The following P2RY12 variants were observed in gnomAD, a reference collection of about 807,000 sequenced individuals.
The protein encoded by P2RY12 is purinergic receptor P2Y12.
P2RY12 carries 3 observed loss-of-function variants against 4.5 expected under a neutral mutation model. The observed-to-expected ratio is 0.67, with a 90% CI of 0.31 to 1.74. P2RY12 has a LOEUF of 1.74. P2RY12 is among the 40% of genes most tolerant of loss of function. The pLI is 0.09. For missense variants in P2RY12, 356 were observed against 407.8 expected, an observed-to-expected ratio of 0.87 and a Z score of 1.09; for synonymous variants, 148 against 154.1, an observed-to-expected ratio of 0.96 and a Z score of 0.29.
At position 151,365,101 on chromosome 3, in the gene P2RY12, A is replaced by G. The variant is rs760016755; in HGVS notation, c.-180+19591T>C. On this transcript the variant is annotated intron_variant, in intron 1 of 2. Transcript: ENST00000302632. ...GAGAATCCCTCAGCCCGCAGCATCA[A>G]CTACTCAATGCTGGGCAAGATCCTC... 27 of 1,613,990 alleles carry G rather than the reference A, an allele frequency of 1.7e-5. No homozygotes were observed. Among genetic ancestry groups the G allele is most frequent in the South Asian group, 2.2e-5 (2 of 91,090 alleles).
intron 1 of P2RY12, among the ~76,000 whole-genome samples, chr3:151,368,723 T>C (rs764629988): frequency 1.1e-5 from 1 of 88,530 alleles, no homozygotes; most frequent in Admixed American, 1.3e-4. Context: ...TCATTTCATT[T>C]CATTTCATTT....
intron 1 of P2RY12, among the ~76,000 whole-genome samples, chr3:151,368,661 TTTCATTTCATTTCATGTC>T: frequency 9.0e-5 from 6 of 66,578 alleles, no homozygotes; most frequent in African/African-American, 3.1e-4. Context: ...TTTCATTTCA[TTTCATTTCATTTCATGTC>T]ATTTCATTTT....
In P2RY12 at chr3:151,360,587, A is replaced by G; in HGVS notation, c.-179-19827T>C. The G allele has an allele frequency of 2.5e-6, 4 of 1,612,390 alleles. No individual in the cohort carries two copies. In the Admixed American group the frequency reaches 5.0e-5, roughly 20 times the overall value. ...GTGTCATGTAGCCACCTCAGAAGTA[A>G]ATTTGGAGACCTCTTCAGGTGAGTA... On this transcript the variant is annotated intron_variant, in intron 1 of 2. Coordinates refer to ENST00000302632, the MANE Select transcript of P2RY12 (RefSeq NM_022788.5).
chr3:151,382,642 T>C, intron 1 of P2RY12: 2 of 1,599,012 alleles, frequency 1.3e-6, no homozygotes, highest in Non-Finnish European at 1.7e-6. Flanking sequence ...GGGGAGTTTT[T>C]TTCCGGATCT....
At chr3:151,340,459 A>G (rs10935838) in intron 2 of P2RY12, 137 bp downstream of exon 2, 129,474 of 152,590 alleles carry the variant, frequency 0.85, 54,971 homozygotes, top group Middle Eastern at 0.95. Flanking sequence ...TATTTTAATT[A>G]TAATTTTTAT....
intron 1 of P2RY12, among the ~76,000 whole-genome samples, chr3:151,353,946 C>G (rs945442685): frequency 6.6e-6 from 1 of 151,724 alleles, no homozygotes; most frequent in East Asian, 1.9e-4. Context: ...TCGAGACCAT[C>G]CCGGCTAACA....
chr3:151,372,614 G>T, intron 1 of P2RY12: 3 of 1,613,830 alleles, frequency 1.9e-6, no homozygotes, highest in South Asian at 1.1e-5. Context: ...AAAGAATGAT[G>T]ACTTCACCAT....
chr3:151,348,818 G>A (rs1369718069), intron 1 of P2RY12, among the ~76,000 whole-genome samples: 2 of 152,188 alleles, frequency 1.3e-5, no homozygotes, highest in Non-Finnish European at 2.9e-5. Flanking sequence ...CGCTACAGAA[G>A]CAATATGCTA....
Position 151,337,678 on chromosome 3 carries a change from T to C in P2RY12, c.*139A>G. 1 of 813,478 alleles carries C rather than the reference T, an allele frequency of 1.2e-6. No homozygotes were observed. The highest frequency in any genetic ancestry group is 1.9e-6 in the Non-Finnish European group (1 of 523,302). 50.4% of individuals were successfully genotyped at this position (813,478 alleles called of 1,614,324 possible). A position where few individuals can be genotyped will look rare whatever the true frequency, so the allele number is the denominator to read the frequency against. ...TCATACTGGAAAGGTAAATGAAAATTGCTTTTGTAATCTTCTGTTTCTTTA... is the reference window on the plus strand; with the variant it reads ...TCATACTGGAAAGGTAAATGAAAATCGCTTTTGTAATCTTCTGTTTCTTTA... On this transcript the variant is annotated 3_prime_UTR_variant, in exon 3 of 3. Transcript: ENST00000302632.
At chr3:151,367,651 T>C (rs765892945) in intron 1 of P2RY12, 1 of 1,603,158 alleles carries the variant, frequency 6.2e-7, no homozygotes, top group East Asian at 2.3e-5. Context: ...TGAAGGTGAG[T>C]GACCTTTCAT....
chr3:151,348,192 A>T (rs1377238988), intron 1 of P2RY12, among the ~76,000 whole-genome samples: 1 of 152,156 alleles, frequency 6.6e-6, no homozygotes, highest in African/African-American at 2.4e-5. Context: ...ATCAGCCTTC[A>T]CATGGACATT....
At position 151,375,204 on chromosome 3, in the gene P2RY12, T is replaced by C. The variant is rs1056872860; in HGVS notation, c.-180+9488A>G. ...TGAGTTTGACTTAATTAGTCTGATG[T>C]GGGCCCTGGGCATGGAATTTTATAA... On this transcript the variant is annotated intron_variant, in intron 1 of 2. Coordinates refer to ENST00000302632, the MANE Select transcript of P2RY12 (RefSeq NM_022788.5). Among the ~76,000 whole-genome samples the C allele has an allele frequency of 4.6e-5, 7 of 152,206 alleles. No individual in the cohort carries two copies. In the East Asian group the frequency reaches 1.2e-3, roughly 25 times the overall value.
chr3:151,342,955 A>G (rs191403113), intron 1 of P2RY12, among the ~76,000 whole-genome samples: 11 of 152,276 alleles, frequency 7.2e-5, no homozygotes, highest in South Asian at 2.1e-4. Context: ...AGGGGAACTG[A>G]AGAGCAGAGC....
intron 1 of P2RY12, among the ~76,000 whole-genome samples, chr3:151,374,984 G>A (rs1756651956): frequency 6.6e-6 from 1 of 152,136 alleles, no homozygotes; most frequent in Non-Finnish European, 1.5e-5. Context: ...TGCTATAGGT[G>A]TCATACCGAC....
At chr3:151,369,375 A>G (rs1755901868) in intron 1 of P2RY12, 1 of 1,199,380 alleles carries the variant, frequency 8.3e-7, no homozygotes, top group African/African-American at 1.5e-5. Flanking sequence ...CTGCCTGTAA[A>G]TAATTACAAA....
At chr3:151,360,930 A>G (rs1295419563) in intron 1 of P2RY12, among the ~76,000 whole-genome samples, 1 of 152,120 alleles carries the variant, frequency 6.6e-6, no homozygotes, top group Non-Finnish European at 1.5e-5. Context: ...CAGACAGTGC[A>G]TTTTAAGTAA....
chr3:151,369,768 T>C (rs1755955094), intron 1 of P2RY12, among the ~76,000 whole-genome samples: 1 of 152,296 alleles, frequency 6.6e-6, no homozygotes, highest in South Asian at 2.1e-4. Context: ...ACATGTAATA[T>C]TTTTTATGGT....
chr3:151,368,066 C>T, intron 1 of P2RY12: 1 of 1,108,492 alleles, frequency 9.0e-7, no homozygotes, highest in Non-Finnish European at 1.3e-6. Flanking sequence ...ATAATTATTC[C>T]AGGAAATTTA....
At position 151,336,929 on chromosome 3, in the gene P2RY12, A is replaced by G. The variant is rs1751071484; in HGVS notation, c.*888T>C. On this transcript the variant is annotated 3_prime_UTR_variant, in exon 3 of 3. Transcript: ENST00000302632. ...CAAACAGATCAATCACTTTCCTCTC[A>G]GTAGTTATGCTGTGCAACTTTGTAA... 6.4e-6 allele frequency: 1 copy of G among 155,992 alleles called. No homozygotes were observed. Among genetic ancestry groups the G allele is most frequent in the East Asian group, 1.9e-4 (1 of 5,316 alleles). The allele number at this position is 155,992 out of a possible 1,614,324, so 9.7% of individuals were successfully genotyped here. A position where few individuals can be genotyped will look rare whatever the true frequency, so the allele number is the denominator to read the frequency against.
Sources: allele counts gnomAD v4.1 joint callset (sites outside exome capture counted in the v4.1 genomes callset), GRCh38; gene constraint gnomAD v4.1.1; transcripts MANE v1.5; gene names NCBI Gene and HGNC (gene_info 2026-07-23, HGNC 2026-07-21).